Variants in RNF149 observed in about 807,000 individuals in gnomAD.
The protein encoded by RNF149 is ring finger protein 149, also known as E3 ubiquitin-protein ligase RNF149.
A neutral mutation model predicts 39.0 loss-of-function variants in RNF149; 21 were observed. That is an observed-to-expected ratio of 0.54 (90% confidence interval 0.38 to 0.77). RNF149 has a LOEUF of 0.77. Among genes scored for constraint, RNF149 ranks in the 30% least tolerant of loss-of-function variants. RNF149 has a pLI of 0.00. For missense variants in RNF149, 493 were observed against 534.9 expected (o/e 0.92, Z 0.77); for synonymous variants, 209 against 213.6 (o/e 0.98, Z 0.19).
intron 1 of RNF149, among the ~76,000 whole-genome samples, chr2:101,300,682 A>G (rs1472047261): frequency 1.3e-5 from 2 of 152,188 alleles, no homozygotes; most frequent in East Asian, 3.9e-4. Context: ...GCCTAGCATG[A>G]GGGCTAAACA....
Position 101,277,133 on chromosome 2 carries a change from A to G in RNF149, c.*105T>C. ...ATCAGAATCTAATAGGTAAAATAAT[A>G]TACATTATTTTCAAATATACAAATT... is the stretch of plus-strand genomic sequence containing the variant. On this transcript the variant is annotated 3_prime_UTR_variant, in exon 7 of 7. Transcript: ENST00000295317. The G allele has an allele frequency of 1.4e-6, 2 of 1,475,364 alleles. No homozygotes were observed. The highest frequency in any genetic ancestry group is 1.8e-6 in the Non-Finnish European group (2 of 1,087,254). 91.4% of individuals were successfully genotyped at this position (1,475,364 alleles called of 1,614,324 possible). A position where few individuals can be genotyped will look rare whatever the true frequency, so the allele number is the denominator to read the frequency against.
At chr2:101,281,324 C>T (rs1573222828) in intron 6 of RNF149, among the ~76,000 whole-genome samples, 1 of 151,918 alleles carries the variant, frequency 6.6e-6, no homozygotes, top group East Asian at 1.9e-4. Flanking sequence ...TGATATTCAC[C>T]GACCCTTAAA....
intron 3 of RNF149, among the ~76,000 whole-genome samples, chr2:101,293,473 T>C (rs1683097092): frequency 6.6e-6 from 1 of 152,258 alleles, no homozygotes; most frequent in Admixed American, 6.5e-5. Context: ...GGATTTGTCC[T>C]ATTTCAAAAA....
At chr2:101,296,277 G>C (rs943345914) in intron 1 of RNF149, among the ~76,000 whole-genome samples, 1 of 151,994 alleles carries the variant, frequency 6.6e-6, no homozygotes, top group African/African-American at 2.4e-5. Context: ...AGACATGAGA[G>C]AAAAATTAAG....
At chr2:101,275,431 C>CTT (rs59154104), downstream of RNF149, among the ~76,000 whole-genome samples, 7,045 of 26,674 alleles carry the variant, frequency 0.26, 2,429 homozygotes, top group East Asian at 0.34. Context: ...CCTAGTATTT[C>CTT]TTTTTTTTTT....
At chr2:101,277,318 G>C (rs368037706) in intron 6 of RNF149, 37 bp from the exon 7 acceptor site, 1 of 1,587,598 alleles carries the variant, frequency 6.3e-7, no homozygotes, top group African/African-American at 1.4e-5. Context: ...CATCAGAAGA[G>C]GGCAGCATAT....
intron 3 of RNF149, among the ~76,000 whole-genome samples, chr2:101,290,706 CAAATT>C (rs1438160828): frequency 2.0e-5 from 3 of 152,146 alleles, no homozygotes; most frequent in African/African-American, 7.2e-5. Flanking sequence ...AAAAGAATGA[CAAATT>C]AGAGTAAGTT....
chr2:101,280,632 G>A (rs532512976), intron 6 of RNF149, among the ~76,000 whole-genome samples: 1 of 151,988 alleles, frequency 6.6e-6, no homozygotes, highest in South Asian at 2.1e-4. Context: ...AAAAGCCAAA[G>A]GATACAGAAA....
chr2:101,272,130 T>A (rs1682155395), downstream of RNF149, among the ~76,000 whole-genome samples: 1 of 152,204 alleles, frequency 6.6e-6, no homozygotes, highest in African/African-American at 2.4e-5. Context: ...CATCCTGTCC[T>A]TTTTATGCAA....
At chr2:101,285,220 G>A (rs1237011717) in intron 5 of RNF149, among the ~76,000 whole-genome samples, 1 of 152,088 alleles carries the variant, frequency 6.6e-6, no homozygotes, top group East Asian at 1.9e-4. Flanking sequence ...TCTTTTAAAT[G>A]AGAATATGTT....
chr2:101,308,439 C>T lies in RNF149; in HGVS notation c.150G>A (p.Gln50=), dbSNP rs1460871485. 4 of 1,611,642 alleles carry T rather than the reference C, an allele frequency of 2.5e-6. No individual in the cohort carries two copies. Among genetic ancestry groups the T allele is most frequent in the South Asian group, 2.2e-5 (2 of 90,978 alleles). The change falls in exon 1 of 7, where the codon CAG becomes CAA. Residue 50 remains glutamine (Q), a synonymous_variant. Transcript: ENST00000295317. The part of the protein sequence containing the change: ...AVVNIEYVDP[Q]TNLTVWSVSE... ...AGACGCTCCACACCGTCAGGTTGGT[C>T]TGCGGGTCCACGTACTCGATGTTTA...
At chr2:101,278,317 G>A (rs1252400712) in intron 6 of RNF149, among the ~76,000 whole-genome samples, 5 of 151,796 alleles carry the variant, frequency 3.3e-5, no homozygotes, top group Admixed American at 2.0e-4. Flanking sequence ...ACCACGCCCC[G>A]CTAATTTTAA....
At chr2:101,301,133 C>T (rs1683436575) in intron 1 of RNF149, among the ~76,000 whole-genome samples, 1 of 152,110 alleles carries the variant, frequency 6.6e-6, no homozygotes, top group Non-Finnish European at 1.5e-5. Flanking sequence ...AACGTTGTTA[C>T]CAATATTGCT....
intron 5 of RNF149, among the ~76,000 whole-genome samples, chr2:101,282,855 G>T (rs939661570): frequency 6.6e-6 from 1 of 151,824 alleles, no homozygotes; most frequent in East Asian, 1.9e-4. Context: ...GCCCCCCACA[G>T]CCCTGCTCCA....
In RNF149 at chr2:101,294,047, C is replaced by G; in HGVS notation, c.747G>C (p.Gln249His). ...CATGCTTTACAGTATGAAGTAGAAG[C>G]TGGCCAATAACTTTCTTAGTTTCTT... ...HRKETKKVIG[Q>H]LLLHTVKHGE... The change falls in exon 3 of 7, where the codon CAG (glutamine) becomes CAC (histidine). Residue 249 changes from glutamine to histidine, a missense_variant. Physicochemically the swap from Gln to His is conservative, Grantham distance 24. Coordinates refer to ENST00000295317, the MANE Select transcript of RNF149 (RefSeq NM_173647.4). 6.3e-7 allele frequency: 1 copy of G among 1,590,364 alleles called. No individual in the cohort carries two copies. The highest frequency in any genetic ancestry group is 1.7e-5 in the Admixed American group (1 of 59,754).
chr2:101,279,466 C>G (rs1179428869), intron 6 of RNF149, among the ~76,000 whole-genome samples: 1 of 152,168 alleles, frequency 6.6e-6, no homozygotes, highest in Non-Finnish European at 1.5e-5. Context: ...TTTAGTATCT[C>G]CAGGGTGCTC....
At chr2:101,277,366 G>A (rs1682385128) in intron 6 of RNF149, 85 bp from the exon 7 acceptor site, 1 of 1,500,848 alleles carries the variant, frequency 6.7e-7, no homozygotes, top group African/African-American at 1.4e-5. Context: ...TACTCACTTG[G>A]AGATAATTCA....
chr2:101,281,237 T>TA (rs1421996965), intron 6 of RNF149, among the ~76,000 whole-genome samples: 6 of 152,074 alleles, frequency 3.9e-5, no homozygotes, highest in African/African-American at 9.7e-5. Context: ...TCTGTAGCTG[T>TA]AAAAAATTAT....
intron 3 of RNF149, among the ~76,000 whole-genome samples, chr2:101,292,352 C>A (rs1239537807): frequency 6.6e-6 from 1 of 151,886 alleles, no homozygotes; most frequent in African/African-American, 2.4e-5. Flanking sequence ...AGAAACAGGC[C>A]CTGGAAGCAT....
Sources: gnomAD v4.1 joint callset for allele counts (sites outside exome capture counted in the v4.1 genomes callset) on GRCh38, gnomAD v4.1.1 for gene constraint, MANE v1.5 for transcripts, NCBI Gene and HGNC (gene_info 2026-07-23, HGNC 2026-07-21) for gene names.